Variants in ECPAS observed in about 807,000 individuals in gnomAD.
The protein encoded by ECPAS is Ecm29 proteasome adaptor and scaffold.
ECPAS carries 70 observed loss-of-function variants against 255.1 expected under a neutral mutation model. The ratio of observed to expected loss-of-function variants is 0.27; its 90% CI spans 0.23 to 0.33. ECPAS has a LOEUF of 0.33. Ranked by LOEUF, ECPAS falls within the 10% of genes least tolerant of loss-of-function variation. ECPAS has a pLI of 1.00. For missense variants in ECPAS, 1,817 were observed against 2,206.4 expected (o/e 0.82, Z 3.54); for synonymous variants, 784 against 775.0 (o/e 1.01, Z -0.19).
chr9:111,444,579 T>C (rs1389857217), intron 3 of ECPAS, 85 bp from the exon 4 acceptor site: 7 of 884,506 alleles, frequency 7.9e-6, no homozygotes, highest in Non-Finnish European at 1.3e-5. Flanking sequence ...AGATGTTATC[T>C]ATGTTAGTGA....
At chr9:111,479,908 G>A (rs560699734) in intron 1 of ECPAS, among the ~76,000 whole-genome samples, 9 of 151,056 alleles carry the variant, frequency 6.0e-5, no homozygotes, top group South Asian at 2.1e-4. Flanking sequence ...AAACCCAGGC[G>A]GCAAAGGTTG....
Position 111,372,701 on chromosome 9 carries a change from T to C in ECPAS, c.4337-81A>G, listed in dbSNP as rs1385377612. On this transcript the variant is annotated intron_variant, in intron 41 of 49. Coordinates refer to ENST00000684092, the MANE Select transcript of ECPAS (RefSeq NM_001364929.1). ...TCTAAACAGGCTATTGTTCAACTCA[T>C]ATAATAGCAAAACAAACAGGTAAAA... 9.3e-6 allele frequency: 10 copies of C among 1,071,974 alleles called. No homozygotes were observed. In the East Asian group the frequency reaches 1.6e-4, roughly 17 times the overall value. The allele number at this position is 1,071,974 out of a possible 1,614,324, so 66.4% of individuals were successfully genotyped here.
chr9:111,414,594 G>C lies in ECPAS; in HGVS notation c.1822C>G (p.Gln608Glu). The change falls in exon 19 of 50, where the codon CAG becomes GAG. Residue 608 changes from glutamine to glutamate, a missense_variant. Gln to Glu is a conservative substitution (Grantham distance 29). This residue lies in a region of ECPAS where 573 missense variants were observed against 716.2 expected (regional missense o/e 0.80). Transcript: ENST00000684092. ...TGATCCTGCATATCAGCCAAACTCTGAGAGGTGGGCACCACCCCCGCACTG... is the reference window on the plus strand; with the variant it reads ...TGATCCTGCATATCAGCCAAACTCTCAGAGGTGGGCACCACCCCCGCACTG... ...AHSAGVVPTS[Q>E]SLADMQDHAP... 1.2e-6 allele frequency: 2 copies of C among 1,613,950 alleles called. No individual in the cohort carries two copies. The highest frequency in any genetic ancestry group is 4.5e-5 in the East Asian group (2 of 44,876).
In ECPAS at chr9:111,376,472, T is replaced by C; in HGVS notation, c.4020+4A>G. 1 of 1,586,426 alleles carries C rather than the reference T, an allele frequency of 6.3e-7. No individual in the cohort carries two copies. The highest frequency in any genetic ancestry group is 8.6e-7 in the Non-Finnish European group (1 of 1,164,364). ...ACCCTCTCATTATTATTTAAGACAC[T>C]CACCATGTTGATTGTTTCCATCATT... is the stretch of plus-strand genomic sequence containing the variant. On this transcript the variant is annotated splice_donor_region_variant and intron_variant, in intron 37 of 49. Coordinates refer to ENST00000684092, the MANE Select transcript of ECPAS (RefSeq NM_001364929.1).
intron 1 of ECPAS, among the ~76,000 whole-genome samples, chr9:111,480,929 G>A (rs2098303925): frequency 6.6e-6 from 1 of 152,192 alleles, no homozygotes. Flanking sequence ...GAAGCACACT[G>A]CATAGACACA....
intron 1 of ECPAS, among the ~76,000 whole-genome samples, chr9:111,479,668 A>T (rs1239721979): frequency 6.6e-6 from 1 of 152,082 alleles, no homozygotes; most frequent in Non-Finnish European, 1.5e-5. Context: ...TTTTTTAAAA[A>T]ATAAAGTAAA....
At chr9:111,453,789 T>C (rs2098263430) in intron 2 of ECPAS, among the ~76,000 whole-genome samples, 1 of 152,052 alleles carries the variant, frequency 6.6e-6, no homozygotes, top group Admixed American at 6.6e-5. Flanking sequence ...CTGGGGGACA[T>C]TCTATAAGAC....
chr9:111,385,230 C>T (rs1026508176), intron 33 of ECPAS, 107 bp downstream of exon 33: 2 of 646,578 alleles, frequency 3.1e-6, no homozygotes, highest in Non-Finnish European at 5.2e-6. Flanking sequence ...AAACGTTGGT[C>T]TCTTAAAATT....
chr9:111,430,637 G>A lies in ECPAS; in HGVS notation c.849-9C>T, dbSNP rs1589188822. 1.3e-6 allele frequency: 2 copies of A among 1,562,758 alleles called. No homozygotes were observed. Among genetic ancestry groups the A allele is most frequent in the African/African-American group, 2.7e-5 (2 of 73,946 alleles). ...TATTCCAGTCAATTAAGCTATGGAA[G>A]GTTTCAACACAGGTTGTTAAAATTA... On this transcript the variant is annotated splice_polypyrimidine_tract_variant and intron_variant, in intron 8 of 49. Coordinates refer to ENST00000684092, the MANE Select transcript of ECPAS (RefSeq NM_001364929.1).
chr9:111,457,542 A>G (rs73656252), intron 2 of ECPAS, among the ~76,000 whole-genome samples: 6,365 of 152,216 alleles, frequency 0.042, 287 homozygotes, highest in East Asian at 0.14. Flanking sequence ...AATCTTATAA[A>G]TTTTATGGAA....
At chr9:111,392,973 G>T in intron 27 of ECPAS, 91 bp from the exon 28 acceptor site, 3 of 676,944 alleles carry the variant, frequency 4.4e-6, no homozygotes, top group South Asian at 3.8e-5. Context: ...TGTTGACACT[G>T]ACCCAAAATG....
intron 17 of ECPAS, among the ~76,000 whole-genome samples, chr9:111,417,017 G>A (rs188664987): frequency 1.7e-4 from 26 of 152,150 alleles, no homozygotes; most frequent in South Asian, 4.2e-4. Flanking sequence ...ACCCTAAAGC[G>A]TGCCCTTAAA....
intron 10 of ECPAS, among the ~76,000 whole-genome samples, chr9:111,426,369 A>G (rs573189023): frequency 8.1e-5 from 11 of 135,598 alleles, no homozygotes; most frequent in African/African-American, 3.0e-4. Context: ...TACTTACACT[A>G]AAAAAAAAAA....
intron 36 of ECPAS, among the ~76,000 whole-genome samples, chr9:111,377,903 T>C (rs982553609): frequency 3.3e-5 from 5 of 152,104 alleles, no homozygotes; most frequent in Non-Finnish European, 5.9e-5. Flanking sequence ...TCCCAGCACT[T>C]TGGGAGGCTG....
intron 48 of ECPAS, among the ~76,000 whole-genome samples, chr9:111,364,704 T>C (rs1191225336): frequency 1.3e-5 from 2 of 152,198 alleles, no homozygotes; most frequent in African/African-American, 4.8e-5. Flanking sequence ...GAAAACATAG[T>C]AACTATCCAG....
chr9:111,480,542 C>G (rs2098303208), intron 1 of ECPAS, among the ~76,000 whole-genome samples: 1 of 152,074 alleles, frequency 6.6e-6, no homozygotes, highest in Non-Finnish European at 1.5e-5. Flanking sequence ...AGGTGATCCA[C>G]CCATCTCGGC....
At chr9:111,407,821 A>G (rs936426220) in intron 24 of ECPAS, among the ~76,000 whole-genome samples, 2 of 152,238 alleles carry the variant, frequency 1.3e-5, no homozygotes, top group Non-Finnish European at 2.9e-5. Flanking sequence ...ACTATTACCA[A>G]TCACACTGCT....
chr9:111,417,791 A>T (rs1267642883), intron 17 of ECPAS, 92 bp downstream of exon 17: 1 of 1,205,986 alleles, frequency 8.3e-7, no homozygotes, highest in Non-Finnish European at 1.1e-6. Context: ...TTATGAGTCA[A>T]CATCTAGTGA....
chr9:111,445,381 A>G (rs1328585623), intron 3 of ECPAS, among the ~76,000 whole-genome samples: 1 of 152,028 alleles, frequency 6.6e-6, no homozygotes, highest in African/African-American at 2.4e-5. Context: ...AGAAGAACAG[A>G]TTATTGCAAC....
Sources: allele counts gnomAD v4.1 joint callset (sites outside exome capture counted in the v4.1 genomes callset), GRCh38; gene constraint gnomAD v4.1.1; regional missense constraint gnomAD v4.1.1; transcripts MANE v1.5; gene names NCBI Gene and HGNC (gene_info 2026-07-23, HGNC 2026-07-21).